The following ASB13 variants were observed in gnomAD, a reference collection of about 807,000 sequenced individuals.
The protein encoded by ASB13 is ankyrin repeat and SOCS box containing 13, also known as ankyrin repeat and SOCS box protein 13.
In ASB13, 33 loss-of-function variants were observed where a neutral mutation model predicts 28.8. The observed-to-expected ratio is 1.15, with a 90% CI of 0.87 to 1.53. The LOEUF is 1.53. ASB13 is among the 40% of genes most tolerant of loss of function. The probability of loss-of-function intolerance (pLI) is 0.00; values close to 1 mark genes in which losing one functional copy is unlikely to be tolerated. For missense variants in ASB13, 414 were observed against 390.1 expected, an observed-to-expected ratio of 1.06 and a Z score of -0.52; for synonymous variants, 182 against 172.9, an observed-to-expected ratio of 1.05 and a Z score of -0.41.
rs947591485 is a variant in ASB13, at chr10:5,650,988, C to T, written c.382+225G>A. Among the ~76,000 whole-genome samples the T allele has an allele frequency of 1.3e-5, 2 of 152,202 alleles. No homozygotes were observed. Among genetic ancestry groups the T allele is most frequent in the Non-Finnish European group, 2.9e-5 (2 of 68,024 alleles). On this transcript the variant is annotated intron_variant, in intron 3 of 5. Coordinates refer to ENST00000357700, the MANE Select transcript of ASB13 (RefSeq NM_024701.4). This position sits in a 1 kb window ranked among gnomAD's most constrained non-coding sequence, Gnocchi z 6.0. ...ACCCTGGCTTGGACACAGAATCCTA[C>T]CCTAGAGTCACCCACCCCAGCCCTG...
chr10:5,662,635 A>AGAGAAGAGAAGAGAAGAGAT (rs1564223044), intron 1 of ASB13, among the ~76,000 whole-genome samples: 7 of 142,984 alleles, frequency 4.9e-5, no homozygotes, highest in Admixed American at 3.4e-4. Flanking sequence ...AGAGAAGAGA[A>AGAGAAGAGAAGAGAAGAGAT]GAGATGAGAT....
chr10:5,653,380 T>C (rs1835019736), intron 1 of ASB13, among the ~76,000 whole-genome samples: 1 of 152,222 alleles, frequency 6.6e-6, no homozygotes, highest in South Asian at 2.1e-4. Context: ...TGCCCACCTT[T>C]GCCCCCCTGC....
rs953394944 is a variant in ASB13, at chr10:5,655,711, G to A, written c.44-2661C>T. ...CCCACTGCCCTCCTGAGGTTAGTGAGAAGTGGCTTAGTGTCACTTTAAAAT... is the reference window on the plus strand; with the variant it reads ...CCCACTGCCCTCCTGAGGTTAGTGAAAAGTGGCTTAGTGTCACTTTAAAAT... On this transcript the variant is annotated intron_variant, in intron 1 of 5. Coordinates refer to ENST00000357700, the MANE Select transcript of ASB13 (RefSeq NM_024701.4). This position sits in a 1 kb window ranked among gnomAD's most constrained non-coding sequence, Gnocchi z 6.2. Among the ~76,000 whole-genome samples the A allele has an allele frequency of 1.3e-5, 2 of 152,218 alleles. No homozygotes were observed. The highest frequency in any genetic ancestry group is 4.8e-5 in the African/African-American group (2 of 41,458).
intron 1 of ASB13, among the ~76,000 whole-genome samples, chr10:5,654,190 C>G (rs1835036376): frequency 6.8e-6 from 1 of 147,964 alleles, no homozygotes; most frequent in Admixed American, 6.8e-5. Flanking sequence ...ATCCTATTTC[C>G]CATACAGCAT....
intron 4 of ASB13, among the ~76,000 whole-genome samples, chr10:5,646,534 A>C (rs964550309): frequency 6.6e-6 from 1 of 152,222 alleles, no homozygotes; most frequent in Admixed American, 6.5e-5. Context: ...GCCAATACTG[A>C]GGAAAGCAGA....
rs776615685 is a variant in ASB13 at position 5,660,525 on chromosome 10, G to A, written c.43+5984C>T. Among the ~76,000 whole-genome samples, 15 of 152,172 alleles carry A rather than the reference G, an allele frequency of 9.9e-5. No individual in the cohort carries two copies. The highest frequency in any genetic ancestry group is 4.6e-4 in the Admixed American group (7 of 15,272). ...GCAAGCTGCAGGAACCACCCTGCTC[G>A]TGAGTTCAAAGCTCGTCTCACAGCT... On this transcript the variant is annotated intron_variant, in intron 1 of 5. Coordinates refer to ENST00000357700, the MANE Select transcript of ASB13 (RefSeq NM_024701.4). The surrounding 1 kb of genome is among the most constrained non-coding windows in gnomAD (Gnocchi z 6.1).
Position 5,651,766 on chromosome 10 carries a change from G to T in ASB13, c.232-403C>A, listed in dbSNP as rs2004335. ...ACCTGTAACCCCAGCACTTCGGAAG[G>T]CGAGGAGGGAGGGTCACTTGAGCTC... On this transcript the variant is annotated intron_variant, in intron 2 of 5. Coordinates refer to ENST00000357700, the MANE Select transcript of ASB13 (RefSeq NM_024701.4). The surrounding 1 kb of genome is among the most constrained non-coding windows in gnomAD (Gnocchi z 5.1). Among the ~76,000 whole-genome samples, 45,231 of 151,662 alleles carry T rather than the reference G, an allele frequency of 0.3. 7,078 individuals are homozygous for T. The highest frequency in any genetic ancestry group is 0.43 in the Middle Eastern group (126 of 294).
intron 1 of ASB13, among the ~76,000 whole-genome samples, chr10:5,654,027 G>A (rs1451953607): frequency 6.6e-6 from 1 of 151,200 alleles, no homozygotes; most frequent in Non-Finnish European, 1.5e-5. Flanking sequence ...AGGACTTGCA[G>A]TGCAATGTGG....
chr10:5,663,367 C>G lies in ASB13; in HGVS notation c.43+3142G>C, dbSNP rs547107169. Among the ~76,000 whole-genome samples the G allele has an allele frequency of 2.0e-4, 30 of 152,338 alleles. No homozygotes were observed. The highest frequency in any genetic ancestry group is 7.2e-4 in the African/African-American group (30 of 41,582). On this transcript the variant is annotated intron_variant, in intron 1 of 5. Coordinates refer to ENST00000357700, the MANE Select transcript of ASB13 (RefSeq NM_024701.4). This position sits in a 1 kb window ranked among gnomAD's most constrained non-coding sequence, Gnocchi z 4.9. ...AACCACACTGGATTCGCTGCATTAT[C>G]CTTCAATGTCTCCTCCCCTGACTCC...
chr10:5,658,640 AAAATGT>A lies in ASB13; in HGVS notation c.44-5596_44-5591del, dbSNP rs1384938044. Among the ~76,000 whole-genome samples, 1 of 152,208 alleles carries A rather than the reference AAAATGT, an allele frequency of 6.6e-6. No individual in the cohort carries two copies. The highest frequency in any genetic ancestry group is 1.5e-5 in the Non-Finnish European group (1 of 68,028). On this transcript the variant is annotated intron_variant, in intron 1 of 5. Coordinates refer to ENST00000357700, the MANE Select transcript of ASB13 (RefSeq NM_024701.4). This position sits in a 1 kb window ranked among gnomAD's most constrained non-coding sequence, Gnocchi z 4.2. ...AAAAGTTCTAGAGATCTGTTACACA[AAAATGT>A]AAATGTACTCAACCCTACTGAAGTG...
intron 1 of ASB13, 52 bp downstream of exon 1, chr10:5,666,457 T>C (rs6602613): frequency 0.85 from 1,071,832 of 1,266,464 alleles, 457,786 homozygotes; most frequent in Non-Finnish European, 0.87. Context: ...GCGGCCGGCC[T>C]CAGGAGCCGG....
chr10:5,641,667 G>A lies in ASB13; in HGVS notation c.709+103C>T. ...TCCTAGCGCAGAGGACAGGAGCCAG[G>A]ACTAACAGCCCAGCTCTCCGCGGAA... On this transcript the variant is annotated intron_variant, in intron 5 of 5. Transcript: ENST00000357700. This position sits in a 1 kb window ranked among gnomAD's most constrained non-coding sequence, Gnocchi z 8.4. The A allele has an allele frequency of 7.9e-7, 1 of 1,268,582 alleles. No individual in the cohort carries two copies. The allele number at this position is 1,268,582 out of a possible 1,614,324, so 78.6% of individuals were successfully genotyped here. A position where few individuals can be genotyped will look rare whatever the true frequency, so the allele number is the denominator to read the frequency against.
At chr10:5,643,870 C>T (rs991596824) in intron 4 of ASB13, among the ~76,000 whole-genome samples, 4 of 152,234 alleles carry the variant, frequency 2.6e-5, no homozygotes, top group Non-Finnish European at 5.9e-5. Flanking sequence ...GGCACAGCTA[C>T]TCTCTCACGA....
rs1476664291 is a variant in ASB13, at chr10:5,644,629, C to A, written c.518-2668G>T. On this transcript the variant is annotated intron_variant, in intron 4 of 5. Coordinates refer to ENST00000357700, the MANE Select transcript of ASB13 (RefSeq NM_024701.4). This position sits in a 1 kb window ranked among gnomAD's most constrained non-coding sequence, Gnocchi z 5.1. ...GGTCAGGAGTTCAAGACCAGCCTAG[C>A]CAATATGGTGAAACCTCGTCTCTAC... 6.6e-6 allele frequency among the ~76,000 whole-genome samples: 1 copy of A among 152,068 alleles called. No individual in the cohort carries two copies. Among genetic ancestry groups the A allele is most frequent in the Non-Finnish European group, 1.5e-5 (1 of 68,026 alleles).
chr10:5,659,267 G>A lies in ASB13; in HGVS notation c.44-6217C>T, dbSNP rs1467902808. ...TGCCGTGCTGGCGAGTTCCCTCCGG[G>A]ACTCACGTTCTGCCCCTAAATCCCA... On this transcript the variant is annotated intron_variant, in intron 1 of 5. Transcript: ENST00000357700. This position sits in a 1 kb window ranked among gnomAD's most constrained non-coding sequence, Gnocchi z 5.8. 6.6e-6 allele frequency among the ~76,000 whole-genome samples: 1 copy of A among 152,142 alleles called. No homozygotes were observed. The highest frequency in any genetic ancestry group is 2.4e-5 in the African/African-American group (1 of 41,434).
chr10:5,666,092 G>T (rs1048289605), intron 1 of ASB13, among the ~76,000 whole-genome samples: 1 of 152,300 alleles, frequency 6.6e-6, no homozygotes. Context: ...GCCAGTGGAG[G>T]GGGGTTTAGC....
Position 5,652,935 on chromosome 10 carries a change from G to A in ASB13, c.159C>T (p.Ile53=). ...GCAGACTGGCTGCGTGCAGGGGCGT[G>A]ATGGAGTCCACGGTGACCTGGTTCA... ...ACVNQVTVDS[I]TPLHAASLQG... is the part of the protein sequence containing the mutation. The change falls in exon 2 of 6, where the codon ATC becomes ATT. Residue 53 remains isoleucine, a synonymous_variant. Transcript: ENST00000357700. This position sits in a 1 kb window ranked among gnomAD's most constrained non-coding sequence, Gnocchi z 5.0. 1 of 1,583,418 alleles carries A rather than the reference G, an allele frequency of 6.3e-7. No homozygotes were observed.
At chr10:5,657,523 C>T (rs571106262) in intron 1 of ASB13, among the ~76,000 whole-genome samples, 11 of 152,172 alleles carry the variant, frequency 7.2e-5, no homozygotes, top group Non-Finnish European at 1.5e-4. Context: ...AAACCAAATA[C>T]GTGTTGGCGA....
At position 5,655,345 on chromosome 10, in the gene ASB13, T is replaced by C. The variant is rs1218319842; in HGVS notation, c.44-2295A>G. On this transcript the variant is annotated intron_variant, in intron 1 of 5. Transcript: ENST00000357700. This position sits in a 1 kb window ranked among gnomAD's most constrained non-coding sequence, Gnocchi z 6.2. ...CACAACTTCCCTGAGTGTCAGTTTC[T>C]TTACCTGTAAGTTGTGATAACAATA... Among the ~76,000 whole-genome samples the C allele has an allele frequency of 6.6e-6, 1 of 152,216 alleles. No homozygotes were observed. The highest frequency in any genetic ancestry group is 2.4e-5 in the African/African-American group (1 of 41,448).
Sources: allele counts gnomAD v4.1 joint callset (sites outside exome capture counted in the v4.1 genomes callset), GRCh38; gene constraint gnomAD v4.1.1; non-coding constraint Gnocchi (gnomAD v3.1); transcripts MANE v1.5; gene names NCBI Gene and HGNC (gene_info 2026-07-23, HGNC 2026-07-21).